The following COL27A1 variants were observed in gnomAD, a reference collection of about 807,000 sequenced individuals.
COL27A1 encodes collagen type XXVII alpha 1 chain.
Under a neutral mutation model 251.3 loss-of-function variants are expected in COL27A1, and 106 were observed. The observed-to-expected ratio is 0.42, with a 90% CI of 0.36 to 0.50. The LOEUF is 0.50. COL27A1 is among the 20% of genes least tolerant of loss of function. The pLI, the probability that COL27A1 is intolerant of heterozygous loss-of-function variation, is 0.00. For synonymous variants in COL27A1, 1,000 were observed against 986.3 expected (o/e 1.01, Z -0.26); for missense variants, 2,325 against 2,522.8 (o/e 0.92, Z 1.68).
chr9:114,236,601 G>A (rs1588726913), intron 17 of COL27A1, among the ~76,000 whole-genome samples: 2 of 152,030 alleles, frequency 1.3e-5, no homozygotes, highest in South Asian at 2.1e-4. Context: ...CTCCCTCCTC[G>A]CTGGCCTGTC....
chr9:114,191,219 C>A (rs1011748018), intron 5 of COL27A1, among the ~76,000 whole-genome samples: 5 of 152,156 alleles, frequency 3.3e-5, no homozygotes, highest in Non-Finnish European at 7.4e-5. Flanking sequence ...GGCTCTGGAA[C>A]CAGACTGCAA....
Position 114,162,814 on chromosome 9 carries a change from G to C in COL27A1, c.133+29G>C, listed in dbSNP as rs201702387. 1,097 of 1,549,658 alleles carry C rather than the reference G, an allele frequency of 7.1e-4. 1 individual carries two copies. Among genetic ancestry groups the C allele is most frequent in the Non-Finnish European group, 9.1e-4 (1,027 of 1,122,740 alleles). ...ATTCTCTCTTCTCTTTGTCCAGGGG[G>C]AGACAAAGGAGAACGGAAGGGGCCT... is the stretch of plus-strand genomic sequence containing the variant. On this transcript the variant is annotated intron_variant, in intron 2 of 60. Transcript: ENST00000356083.
chr9:114,200,047 C>G (rs1158475429), intron 7 of COL27A1, among the ~76,000 whole-genome samples: 1 of 152,156 alleles, frequency 6.6e-6, no homozygotes, highest in Non-Finnish European at 1.5e-5. Context: ...TGGCCATTAT[C>G]CGTGGAAGCT....
chr9:114,243,653 G>A (rs1344416694), intron 23 of COL27A1, 93 bp downstream of exon 23: 6 of 1,061,372 alleles, frequency 5.7e-6, no homozygotes, highest in African/African-American at 1.6e-5. Context: ...ATGGCCAGTT[G>A]TGAAAAGGGA....
chr9:114,250,438 G>C (rs903335834), intron 24 of COL27A1, among the ~76,000 whole-genome samples, 177 bp from the exon 25 acceptor site: 16 of 152,222 alleles, frequency 1.1e-4, no homozygotes, highest in African/African-American at 3.1e-4. Context: ...GGTGGAGTGA[G>C]GGAAGTCAGA....
intron 14 of COL27A1, 57 bp from the exon 15 acceptor site, chr9:114,231,022 G>C (rs1831906263): frequency 1.3e-6 from 2 of 1,522,712 alleles, no homozygotes; most frequent in African/African-American, 2.7e-5. Context: ...CCACCACCCA[G>C]GCCAGCCTCC....
At position 114,245,898 on chromosome 9, in the gene COL27A1, T is replaced by C. The variant is rs770908493; in HGVS notation, c.2967T>C (p.Pro989=). 3 of 1,612,890 alleles carry C rather than the reference T, an allele frequency of 1.9e-6. No homozygotes were observed. In the African/African-American group the frequency reaches 4.0e-5, roughly 22 times the overall value. The part of the protein sequence containing the change: ...GEPGDPGRPG[P]VGEQGFMGFI... ...CAGGGGATCCTGGTCGGCCGGGGCC[T>C]GTGGGAGAGCAGGTTAGTTAGCAAC... The change falls in exon 24 of 61, where the codon CCT becomes CCC. Residue 989 remains proline (P), a synonymous_variant. Transcript: ENST00000356083.
rs1380983391 is a variant in COL27A1, at chr9:114,312,202, G to A, written c.*1507G>A. The A allele has an allele frequency of 6.6e-6, 1 of 152,156 alleles. No individual in the cohort carries two copies. Among genetic ancestry groups the A allele is most frequent in the Admixed American group, 6.5e-5 (1 of 15,272 alleles). 9.4% of individuals were successfully genotyped at this position (152,156 alleles called of 1,614,324 possible). A position where few individuals can be genotyped will look rare whatever the true frequency, so the allele number is the denominator to read the frequency against. Reference sequence around the variant, plus strand: ...CTAAAGTTGTGTCTCTTTGGGAATTGGATTTGATTTTTATTATTTAATACC... The same window carrying A: ...CTAAAGTTGTGTCTCTTTGGGAATTAGATTTGATTTTTATTATTTAATACC... On this transcript the variant is annotated 3_prime_UTR_variant, in exon 61 of 61. Coordinates refer to ENST00000356083, the MANE Select transcript of COL27A1 (RefSeq NM_032888.4).
intron 59 of COL27A1, 54 bp from the exon 60 acceptor site, chr9:114,309,206 T>G (rs1588910578): frequency 2.8e-6 from 4 of 1,418,818 alleles, no homozygotes; most frequent in Non-Finnish European, 4.0e-6. Context: ...GAACCCTCGG[T>G]GTGGGGGGTG....
chr9:114,193,309 C>T (rs1014859488), intron 5 of COL27A1, among the ~76,000 whole-genome samples: 1 of 152,194 alleles, frequency 6.6e-6, no homozygotes, highest in African/African-American at 2.4e-5. Flanking sequence ...AGGAGCACCC[C>T]GTGACAGACA....
intron 13 of COL27A1, 68 bp downstream of exon 13, chr9:114,219,912 C>G (rs182191699): frequency 4.0e-6 from 5 of 1,236,416 alleles, no homozygotes; most frequent in Admixed American, 1.7e-5. Context: ...TTTTAGGAGC[C>G]CACGCTTTAG....
chr9:114,260,510 T>C (rs1834244628), intron 28 of COL27A1, among the ~76,000 whole-genome samples: 1 of 152,168 alleles, frequency 6.6e-6, no homozygotes, highest in African/African-American at 2.4e-5. Flanking sequence ...CAAGGCCTTG[T>C]GGCGCTCTGT....
At chr9:114,175,147 C>CT (rs1827315537) in intron 3 of COL27A1, among the ~76,000 whole-genome samples, 1 of 88,760 alleles carries the variant, frequency 1.1e-5, no homozygotes, top group Admixed American at 1.2e-4. Flanking sequence ...GGGGGAAGCC[C>CT]CGAGGGGTCT....
intron 49 of COL27A1, among the ~76,000 whole-genome samples, 181 bp downstream of exon 49, chr9:114,292,391 TCAACCAGGTGGTG>T (rs1265322866): frequency 1.3e-5 from 2 of 152,080 alleles, no homozygotes; most frequent in Admixed American, 6.6e-5. Flanking sequence ...CTGCCACCCC[TCAACCAGGTGGTG>T]GGGGAGGCTG....
chr9:114,289,976 C>A, intron 45 of COL27A1, 82 bp from the exon 46 acceptor site: 1 of 1,462,494 alleles, frequency 6.8e-7, no homozygotes, highest in Non-Finnish European at 9.6e-7. Context: ...GGCCCACAAT[C>A]CTCTCAGTCC....
chr9:114,302,084 TC>T lies in COL27A1; in HGVS notation c.4850del (p.Pro1617LeufsTer133). ...TGACCCGCAGTCTTCTTTTGCAGGG[TC>T]CTCCAGGGGGTCCTATCCAATTGGT... ...GPRGRPGPPG[P>X]PGGPIQLQQD... On this transcript the variant is annotated frameshift_variant, in exon 56 of 61. Transcript: ENST00000356083. LOFTEE classifies it high-confidence loss of function. 1.2e-6 allele frequency: 2 copies of T among 1,612,706 alleles called. No individual in the cohort carries two copies. The highest frequency in any genetic ancestry group is 1.7e-6 in the Non-Finnish European group (2 of 1,178,752).
chr9:114,168,236 T>C lies in COL27A1; in HGVS notation c.681T>C (p.Asn227=), dbSNP rs538713049. The C allele has an allele frequency of 1.2e-5, 19 of 1,613,930 alleles. No individual in the cohort carries two copies. Among genetic ancestry groups the C allele is most frequent in the South Asian group, 2.2e-5 (2 of 91,090 alleles). Residue 227 remains asparagine (N), a synonymous_variant, in exon 3 of 61, where the codon AAT becomes AAC. Coordinates refer to ENST00000356083, the MANE Select transcript of COL27A1 (RefSeq NM_032888.4). Reference sequence around the variant, plus strand: ...ACCCTGTGACGCAGGTCGCTCACAATTACTGTACCCACCTGAGGAAGCAGT... The same window carrying C: ...ACCCTGTGACGCAGGTCGCTCACAACTACTGTACCCACCTGAGGAAGCAGT... The part of the protein sequence containing the change: ...SIYPVTQVAH[N]YCTHLRKQCG...
rs115211481 is a variant in COL27A1, at chr9:114,259,654, C to A, written c.3195+1060C>A. Among the ~76,000 whole-genome samples the A allele has an allele frequency of 8.2e-3, 1,246 of 152,232 alleles. 19 individuals are homozygous for A. The highest frequency in any genetic ancestry group is 0.029 in the African/African-American group (1,186 of 41,526). On this transcript the variant is annotated intron_variant, in intron 28 of 60. Transcript: ENST00000356083. Reference sequence around the variant, plus strand: ...AAAGTGGCAGAGCTGGGATTTGAACCCAGGGAATCTGGCTCATTTGCATAC... The same window carrying A: ...AAAGTGGCAGAGCTGGGATTTGAACACAGGGAATCTGGCTCATTTGCATAC...
rs894999188 is a variant in COL27A1 at position 114,194,574 on chromosome 9, G to T, written c.2070+117G>T. 4 of 885,450 alleles carry T rather than the reference G, an allele frequency of 4.5e-6. No individual in the cohort carries two copies. The African/African-American group carries it at 5.1e-5, about 11-fold the overall frequency. 54.8% of individuals were successfully genotyped at this position (885,450 alleles called of 1,614,324 possible). A position where few individuals can be genotyped will look rare whatever the true frequency, so the allele number is the denominator to read the frequency against. ...CATGCATGGCAAAGGCAGGGAGGTG[G>T]GAACATCTGGAAGGGTTAGGGTATG... On this transcript the variant is annotated intron_variant, in intron 6 of 60. Transcript: ENST00000356083.
Sources: allele counts gnomAD v4.1 joint callset (sites outside exome capture counted in the v4.1 genomes callset), GRCh38; gene constraint gnomAD v4.1.1; transcripts MANE v1.5; gene names NCBI Gene and HGNC (gene_info 2026-07-23, HGNC 2026-07-21).